NBEAL1: variants seen among roughly 807,000 people sequenced by gnomAD.
NBEAL1 encodes the protein neurobeachin like 1, also known as neurobeachin-like protein 1.
A neutral mutation model predicts 351.3 loss-of-function variants in NBEAL1; 273 were observed. That is an observed-to-expected ratio of 0.78 (90% CI 0.70 to 0.86). The LOEUF (loss-of-function observed/expected upper bound fraction) is 0.86, where lower values mean the gene tolerates loss of function less well. Ranked by LOEUF, NBEAL1 falls within the 40% of genes least tolerant of loss-of-function variation. The probability of loss-of-function intolerance (pLI) is 0.00; values close to 1 mark genes in which losing one functional copy is unlikely to be tolerated. For synonymous variants in NBEAL1, 1,050 were observed against 1,086.4 expected, an observed-to-expected ratio of 0.97 and a Z score of 0.66; for missense variants, 2,961 against 3,201.3, an observed-to-expected ratio of 0.92 and a Z score of 1.81.
At chr2:203,073,565 C>T (rs890899789) in intron 7 of NBEAL1, among the ~76,000 whole-genome samples, 3 of 152,134 alleles carry the variant, frequency 2.0e-5, no homozygotes, top group Non-Finnish European at 4.4e-5. Context: ...CACCTTAGCC[C>T]AGGGGTTCGG....
chr2:203,138,641 C>G lies in NBEAL1; in HGVS notation c.4741C>G (p.Leu1581Val). 6.2e-7 allele frequency: 1 copy of G among 1,607,602 alleles called. No homozygotes were observed. The highest frequency in any genetic ancestry group is 8.5e-7 in the Non-Finnish European group (1 of 1,178,308). Residue 1581 changes from leucine to valine, a missense_variant, in exon 31 of 56, where the codon CTC becomes GTC. Transcript: ENST00000683969. ...TEKLLEDMMLLFDCLSVCYSE... is the reference protein window; with the variant it reads ...TEKLLEDMMLVFDCLSVCYSE... ...ATAGCTTTTAGAGGATATGATGCTG[C>G]TCTTTGACTGTCTGTCAGTCTGCTA...
At chr2:203,020,593 C>T (rs977901208) in intron 2 of NBEAL1, among the ~76,000 whole-genome samples, 2 of 150,918 alleles carry the variant, frequency 1.3e-5, no homozygotes, top group Non-Finnish European at 2.9e-5. Flanking sequence ...ATCGCTTGAA[C>T]TTAGGAAACA....
Position 203,126,904 on chromosome 2 carries a change from G to A in NBEAL1, c.3226G>A (p.Asp1076Asn). Residue 1076 changes from aspartate (D) to asparagine (N), a missense_variant, in exon 23 of 56, where the codon GAT becomes AAT. By Grantham distance (23) the Asp-to-Asn change is conservative. Coordinates refer to ENST00000683969, the MANE Select transcript of NBEAL1 (RefSeq NM_001378026.1). ...GAAGTATGGTGTGCAGTTTCTCCTA[G>A]ATACACTTAGGATTTATTATGGGTA... The part of the protein sequence containing the change: ...RKKYGVQFLL[D>N]TLRIYYGNGC... 5 of 1,550,168 alleles carry A rather than the reference G, an allele frequency of 3.2e-6. No individual in the cohort carries two copies. The highest frequency in any genetic ancestry group is 4.4e-6 in the Non-Finnish European group (5 of 1,145,210).
intron 10 of NBEAL1, among the ~76,000 whole-genome samples, chr2:203,094,658 A>C (rs1490089501): frequency 6.6e-6 from 1 of 152,166 alleles, no homozygotes; most frequent in Non-Finnish European, 1.5e-5. Context: ...TTGGCAAATG[A>C]GTTTCATCAA....
intron 36 of NBEAL1, among the ~76,000 whole-genome samples, chr2:203,160,067 GC>G (rs985107367): frequency 1.4e-5 from 2 of 144,724 alleles, no homozygotes; most frequent in African/African-American, 2.5e-5. Context: ...CAAATCACTT[GC>G]CCCCCGCTAT....
chr2:203,046,471 G>A (rs1283614897), intron 3 of NBEAL1, among the ~76,000 whole-genome samples: 2 of 151,952 alleles, frequency 1.3e-5, no homozygotes, highest in East Asian at 1.9e-4. Context: ...CACCCGCCTC[G>A]GCCTCCCAAA....
chr2:203,208,746 G>T lies in NBEAL1; in HGVS notation c.7616G>T (p.Gly2539Val). The T allele has an allele frequency of 6.3e-7, 1 of 1,586,096 alleles. No homozygotes were observed. The highest frequency in any genetic ancestry group is 8.6e-7 in the Non-Finnish European group (1 of 1,169,464). ...ACTGAGCTAGACATGGCAGTGTCAG[G>T]ATCAAGGGTAAGATTTCACCTTTAA... is the stretch of plus-strand genomic sequence containing the variant. ...ISTELDMAVS[G>V]SRDGTVIIHT... Residue 2539 changes from glycine (G) to valine (V), a missense_variant, in exon 52 of 56, where the codon GGA (glycine) becomes GTA (valine). Gly to Val is a moderately radical substitution (Grantham distance 109). Transcript: ENST00000683969.
intron 51 of NBEAL1, among the ~76,000 whole-genome samples, chr2:203,207,386 C>G (rs1279457884): frequency 1.3e-5 from 2 of 152,178 alleles, no homozygotes; most frequent in East Asian, 3.9e-4. Context: ...CCCCTCTGCC[C>G]GGCCACCACC....
At chr2:203,164,125 A>C (rs1424129868) in intron 36 of NBEAL1, among the ~76,000 whole-genome samples, 1 of 151,984 alleles carries the variant, frequency 6.6e-6, no homozygotes, top group Non-Finnish European at 1.5e-5. Flanking sequence ...TTATATTAAT[A>C]CATGTGATTA....
chr2:203,120,887 T>G (rs900630198), intron 18 of NBEAL1, among the ~76,000 whole-genome samples: 22 of 152,150 alleles, frequency 1.4e-4, no homozygotes, highest in African/African-American at 5.1e-4. Context: ...CGGATAACGT[T>G]TAAGTATTTG....
At position 203,167,370 on chromosome 2, in the gene NBEAL1, A is replaced by G. The variant is rs1470539457; in HGVS notation, c.5997+10A>G. On this transcript the variant is annotated intron_variant, in intron 38 of 55. Coordinates refer to ENST00000683969, the MANE Select transcript of NBEAL1 (RefSeq NM_001378026.1). ...CAATTTCAAAAAAGAGGTATGTATT[A>G]TGGTTTCAGGAAATCCCAAAATGCT... 10 of 1,589,602 alleles carry G rather than the reference A, an allele frequency of 6.3e-6. No individual in the cohort carries two copies. The highest frequency in any genetic ancestry group is 1.7e-4 in the Middle Eastern group (1 of 5,954).
At chr2:203,112,746 A>C (rs1410014498) in intron 16 of NBEAL1, among the ~76,000 whole-genome samples, 2 of 152,248 alleles carry the variant, frequency 1.3e-5, no homozygotes, top group African/African-American at 4.8e-5. Context: ...AATCATATGC[A>C]CTTTAAAAAT....
intron 49 of NBEAL1, 86 bp downstream of exon 49, chr2:203,199,533 C>A: frequency 1.6e-6 from 1 of 630,864 alleles, no homozygotes; most frequent in Non-Finnish European, 2.7e-6. Context: ...TTCATTTATT[C>A]TGAAAGAAAT....
chr2:203,150,328 A>G (rs368636006), intron 34 of NBEAL1, among the ~76,000 whole-genome samples: 50 of 152,196 alleles, frequency 3.3e-4, no homozygotes, highest in Middle Eastern at 6.8e-3. Flanking sequence ...ATCTTTTCAC[A>G]TGCTTGTTGG....
Position 203,084,459 on chromosome 2 carries a change from C to T in NBEAL1, c.992-4C>T, listed in dbSNP as rs2061928477. On this transcript the variant is annotated splice_polypyrimidine_tract_variant and splice_region_variant and intron_variant, in intron 9 of 55. Transcript: ENST00000683969. The stretch of plus-strand genomic sequence containing the variant: ...CATGGATGATTTTCTTTTTATTTTC[C>T]TAGATACCATCACAGCCATGTTAGA... 1 of 1,413,510 alleles carries T rather than the reference C, an allele frequency of 7.1e-7. No individual in the cohort carries two copies. The highest frequency in any genetic ancestry group is 9.4e-7 in the Non-Finnish European group (1 of 1,067,988). 87.6% of individuals were successfully genotyped at this position (1,413,510 alleles called of 1,614,324 possible).
intron 25 of NBEAL1, among the ~76,000 whole-genome samples, chr2:203,131,306 C>G (rs972368622): frequency 2.6e-5 from 4 of 152,260 alleles, no homozygotes; most frequent in Admixed American, 1.3e-4. Flanking sequence ...ACCTCTGGCT[C>G]CCATGTACAT....
chr2:203,054,722 A>G (rs1057308390), intron 4 of NBEAL1, among the ~76,000 whole-genome samples: 1 of 152,142 alleles, frequency 6.6e-6, no homozygotes, highest in African/African-American at 2.4e-5. Context: ...AATCATAGAG[A>G]TACTTTTAGG....
At chr2:203,206,314 T>A (rs982324420) in intron 51 of NBEAL1, among the ~76,000 whole-genome samples, 1 of 152,156 alleles carries the variant, frequency 6.6e-6, no homozygotes, top group Non-Finnish European at 1.5e-5. Flanking sequence ...CAAGACATAT[T>A]TAAAAATACC....
chr2:203,127,441 A>T lies in NBEAL1; in HGVS notation c.3249-340A>T, dbSNP rs1020957555. Among the ~76,000 whole-genome samples the T allele has an allele frequency of 2.0e-5, 3 of 152,172 alleles. No individual in the cohort carries two copies. The South Asian group carries it at 6.2e-4, about 31-fold the overall frequency. On this transcript the variant is annotated intron_variant, in intron 23 of 55. Transcript: ENST00000683969. ...TAGAAAATATAGAAATGTAAAAATTAGGCTGGGCGCGGTGGCTCACGCCTG... is the reference window on the plus strand; with the variant it reads ...TAGAAAATATAGAAATGTAAAAATTTGGCTGGGCGCGGTGGCTCACGCCTG...
Sources: gnomAD v4.1 joint callset for allele counts (sites outside exome capture counted in the v4.1 genomes callset) on GRCh38, gnomAD v4.1.1 for gene constraint, MANE v1.5 for transcripts, NCBI Gene and HGNC (gene_info 2026-07-23, HGNC 2026-07-21) for gene names.